The following ZFHX3 variants were observed in gnomAD, a reference collection of about 807,000 sequenced individuals.
The protein encoded by ZFHX3 is zinc finger homeobox 3, also known as zinc finger homeobox protein 3.
Under a neutral mutation model 279.1 loss-of-function variants are expected in ZFHX3, and 42 were observed. The ratio of observed to expected loss-of-function variants is 0.15; its 90% CI spans 0.12 to 0.19. The LOEUF (loss-of-function observed/expected upper bound fraction) is 0.19, where lower values mean the gene tolerates loss of function less well. ZFHX3 is among the 10% of genes least tolerant of loss of function. The probability of loss-of-function intolerance (pLI) is 1.00; values close to 1 mark genes in which losing one functional copy is unlikely to be tolerated. For missense variants in ZFHX3, 4,981 were observed against 4,754.0 expected, an observed-to-expected ratio of 1.05 and a Z score of -1.40; for synonymous variants, 2,293 against 1,957.8, an observed-to-expected ratio of 1.17 and a Z score of -4.52.
At chr16:73,437,396 A>G (rs1363161977) in intron 3 of ZFHX3, among the ~76,000 whole-genome samples, 1 of 152,142 alleles carries the variant, frequency 6.6e-6, no homozygotes, top group East Asian at 1.9e-4. Flanking sequence ...TTTGTATAAC[A>G]TGCCTTTTTA....
chr16:72,952,341 C>T (rs1961038752), intron 2 of ZFHX3, among the ~76,000 whole-genome samples: 1 of 152,254 alleles, frequency 6.6e-6, no homozygotes, highest in Admixed American at 6.5e-5. Context: ...TGCCAACCCT[C>T]CCATGTCTTC....
intron 1 of ZFHX3, among the ~76,000 whole-genome samples, chr16:73,045,180 T>C (rs977097707): frequency 6.6e-6 from 1 of 152,196 alleles, no homozygotes; most frequent in South Asian, 2.1e-4. Context: ...AAGGAACAAC[T>C]GCACACAGTG....
At chr16:73,184,610 T>C (rs1048320125) in intron 5 of ZFHX3, among the ~76,000 whole-genome samples, 2 of 152,064 alleles carry the variant, frequency 1.3e-5, no homozygotes, top group African/African-American at 4.8e-5. Flanking sequence ...AAAACCTTCC[T>C]AGGGACACTC....
chr16:73,187,419 T>A (rs1967938422), intron 5 of ZFHX3, among the ~76,000 whole-genome samples: 1 of 152,012 alleles, frequency 6.6e-6, no homozygotes, highest in Non-Finnish European at 1.5e-5. Flanking sequence ...TTTGTAGTCC[T>A]AATCCCTGAC....
At chr16:72,835,416 T>C (rs1285984498) in intron 4 of ZFHX3, among the ~76,000 whole-genome samples, 4 of 152,162 alleles carry the variant, frequency 2.6e-5, no homozygotes, top group East Asian at 1.9e-4. Context: ...AAAAATGAAA[T>C]AGCCTGCAGC....
intron 1 of ZFHX3, among the ~76,000 whole-genome samples, chr16:73,737,791 C>A (rs1247870485): frequency 1.3e-5 from 2 of 152,004 alleles, no homozygotes; most frequent in Admixed American, 1.3e-4. Context: ...TCTCTTTTTC[C>A]TGTGGTTTTG....
At chr16:72,789,101 C>T (rs2035590918) in intron 9 of ZFHX3, 1 of 416,938 alleles carries the variant, frequency 2.4e-6, no homozygotes, top group Admixed American at 4.0e-5. Flanking sequence ...AAGTATCCCA[C>T]CAGGCTCAGA....
intron 2 of ZFHX3, among the ~76,000 whole-genome samples, chr16:73,576,047 A>T (rs552958898): frequency 6.6e-6 from 1 of 152,172 alleles, no homozygotes; most frequent in African/African-American, 2.4e-5. Context: ...ATTTTTCTTG[A>T]CCATTTCCCT....
At chr16:73,518,174 C>G (rs2019554909) in intron 2 of ZFHX3, among the ~76,000 whole-genome samples, 1 of 152,206 alleles carries the variant, frequency 6.6e-6, no homozygotes, top group Non-Finnish European at 1.5e-5. Flanking sequence ...GGACAGGTCT[C>G]AGGGATACAG....
chr16:72,956,909 T>C (rs1961277043), intron 2 of ZFHX3, among the ~76,000 whole-genome samples: 1 of 152,062 alleles, frequency 6.6e-6, no homozygotes, highest in African/African-American at 2.4e-5. Context: ...GATGGTTCCC[T>C]AGCTCGGCAC....
At chr16:73,300,865 T>C (rs971058929) in intron 4 of ZFHX3, among the ~76,000 whole-genome samples, 5 of 152,144 alleles carry the variant, frequency 3.3e-5, no homozygotes, top group Non-Finnish European at 7.4e-5. Context: ...AGCTGTGACA[T>C]TGGGAGGTGT....
At chr16:73,630,390 C>A (rs1004279457) in intron 2 of ZFHX3, among the ~76,000 whole-genome samples, 2 of 152,168 alleles carry the variant, frequency 1.3e-5, no homozygotes, top group African/African-American at 2.4e-5. Flanking sequence ...AGAGCAATAG[C>A]AAGCAAAATT....
intron 1 of ZFHX3, among the ~76,000 whole-genome samples, chr16:73,746,551 T>G (rs1454302415): frequency 6.6e-6 from 1 of 152,194 alleles, no homozygotes; most frequent in Non-Finnish European, 1.5e-5. Context: ...GGGCTTATTT[T>G]CAGCCCCCTT....
chr16:73,193,634 G>A (rs1033364527), intron 5 of ZFHX3, among the ~76,000 whole-genome samples: 1 of 152,250 alleles, frequency 6.6e-6, no homozygotes, highest in Middle Eastern at 3.4e-3. Flanking sequence ...GTTTTGAAAG[G>A]GGACAACCCC....
intron 8 of ZFHX3, among the ~76,000 whole-genome samples, chr16:73,065,623 C>G (rs1258606743): frequency 6.7e-6 from 1 of 148,880 alleles, no homozygotes; most frequent in Non-Finnish European, 1.5e-5. Flanking sequence ...GTGTGTCTCC[C>G]CAAAGCCAGT....
chr16:72,902,422 G>A (rs1393823449), intron 3 of ZFHX3, among the ~76,000 whole-genome samples: 1 of 152,184 alleles, frequency 6.6e-6, no homozygotes, highest in Non-Finnish European at 1.5e-5. Flanking sequence ...CTTGCGCCTG[G>A]GTTTGGCAGG....
At chr16:73,594,422 A>G (rs773934951) in intron 2 of ZFHX3, among the ~76,000 whole-genome samples, 1 of 152,362 alleles carries the variant, frequency 6.6e-6, no homozygotes, top group South Asian at 2.1e-4. Context: ...GCTTGCAGAT[A>G]ATTTCAATGA....
chr16:73,458,871 A>G (rs1257050198), intron 2 of ZFHX3, among the ~76,000 whole-genome samples: 1 of 152,238 alleles, frequency 6.6e-6, no homozygotes, highest in African/African-American at 2.4e-5. Flanking sequence ...CATATTAGTA[A>G]CAACTGAAAC....
At chr16:73,307,971 C>T (rs937446433) in intron 4 of ZFHX3, among the ~76,000 whole-genome samples, 1 of 151,836 alleles carries the variant, frequency 6.6e-6, no homozygotes, top group African/African-American at 2.4e-5. Flanking sequence ...GCACTCACCC[C>T]CAAATTTGCC....
Sources: gnomAD v4.1 joint callset for allele counts (sites outside exome capture counted in the v4.1 genomes callset) on GRCh38, gnomAD v4.1.1 for gene constraint, MANE v1.5 for transcripts, NCBI Gene and HGNC (gene_info 2026-07-23, HGNC 2026-07-21) for gene names.